Variants in MEI4 observed in about 807,000 individuals in gnomAD.
MEI4 encodes the protein meiosis-specific protein MEI4.
Under a neutral mutation model 31.4 loss-of-function variants are expected in MEI4, and 27 were observed. The ratio of observed to expected loss-of-function variants is 0.86; its 90% CI spans 0.63 to 1.19. The LOEUF (loss-of-function observed/expected upper bound fraction) is 1.19, where lower values mean the gene tolerates loss of function less well. MEI4 is among the 50% of genes most tolerant of loss of function. The probability of loss-of-function intolerance (pLI) is 0.00; values close to 1 mark genes in which losing one functional copy is unlikely to be tolerated. For missense variants in MEI4, 329 were observed against 398.9 expected, an observed-to-expected ratio of 0.82 and a Z score of 1.49; for synonymous variants, 122 against 145.4, an observed-to-expected ratio of 0.84 and a Z score of 1.16.
intron 3 of MEI4, among the ~76,000 whole-genome samples, chr6:77,767,727 A>C (rs1768211718): frequency 6.6e-6 from 1 of 151,858 alleles, no homozygotes; most frequent in Admixed American, 6.6e-5. Context: ...ACACGGAAAA[A>C]TCTGGGTTAA....
At position 77,815,914 on chromosome 6, in the gene MEI4, A is replaced by G. The variant is rs116138721; in HGVS notation, c.769-13017A>G. Among the ~76,000 whole-genome samples the G allele has an allele frequency of 5.2e-3, 789 of 152,124 alleles. 11 individuals carry two copies. The highest frequency in any genetic ancestry group is 0.018 in the African/African-American group (740 of 41,542). ...GAAAAAAAAAAACCAAAACAACAAC[A>G]AAAACTTCTTTGCAGGGTGCTTATA... On this transcript the variant is annotated intron_variant, in intron 3 of 4. Coordinates refer to ENST00000684080, the MANE Select transcript of MEI4 (RefSeq NM_001322247.2).
chr6:77,873,423 T>C (rs1032283116), intron 4 of MEI4, among the ~76,000 whole-genome samples: 1 of 152,232 alleles, frequency 6.6e-6, no homozygotes, highest in Admixed American at 6.5e-5. Flanking sequence ...TGTCTGTTCA[T>C]GTCCTTTGCC....
intron 2 of MEI4, among the ~76,000 whole-genome samples, chr6:77,734,765 G>T (rs573721560): frequency 8.6e-5 from 13 of 152,022 alleles, no homozygotes; most frequent in Non-Finnish European, 1.8e-4. Flanking sequence ...TTTTGCAGTG[G>T]CTGTTACTGG....
chr6:77,871,634 A>T (rs1771195553), intron 4 of MEI4, among the ~76,000 whole-genome samples: 1 of 152,126 alleles, frequency 6.6e-6, no homozygotes, highest in Non-Finnish European at 1.5e-5. Flanking sequence ...TTGTACTCCA[A>T]ACCTCAGCAC....
Position 77,864,974 on chromosome 6 carries a change from A to C in MEI4, c.900+35912A>C, listed in dbSNP as rs536094979. ...ATGGAAACTGAACAACCTGCTCCTG[A>C]ATGACTACTGGGTACATAATGAAAT... On this transcript the variant is annotated intron_variant, in intron 4 of 4. Transcript: ENST00000684080. Among the ~76,000 whole-genome samples the C allele has an allele frequency of 3.3e-5, 5 of 152,346 alleles. No individual in the cohort carries two copies. The South Asian group carries it at 1.0e-3, about 32-fold the overall frequency.
intron 1 of MEI4, among the ~76,000 whole-genome samples, chr6:77,685,806 G>A (rs938834967): frequency 1.3e-5 from 2 of 152,112 alleles, no homozygotes; most frequent in Non-Finnish European, 2.9e-5. Context: ...GACAATTTCT[G>A]TAGGATCAGT....
At chr6:77,796,100 T>C (rs1166684932) in intron 3 of MEI4, among the ~76,000 whole-genome samples, 1 of 152,196 alleles carries the variant, frequency 6.6e-6, no homozygotes, top group Non-Finnish European at 1.5e-5. Context: ...GATTTCATTA[T>C]AACCACATTA....
At chr6:77,700,991 T>A (rs951014739) in intron 2 of MEI4, among the ~76,000 whole-genome samples, 2 of 152,178 alleles carry the variant, frequency 1.3e-5, no homozygotes, top group Non-Finnish European at 2.9e-5. Context: ...AAAAGAAGTG[T>A]ACATACCCAG....
intron 3 of MEI4, among the ~76,000 whole-genome samples, chr6:77,774,601 G>A (rs1285711704): frequency 1.3e-5 from 2 of 151,926 alleles, no homozygotes; most frequent in South Asian, 2.1e-4. Flanking sequence ...AAGTTAAGTA[G>A]GTAGAGTTGG....
At chr6:77,903,480 A>G (rs1428323830) in intron 4 of MEI4, among the ~76,000 whole-genome samples, 1 of 152,164 alleles carries the variant, frequency 6.6e-6, no homozygotes, top group Non-Finnish European at 1.5e-5. Flanking sequence ...GGTTAGATCT[A>G]TTAAACACAT....
At chr6:77,707,393 A>C (rs1009464751) in intron 2 of MEI4, among the ~76,000 whole-genome samples, 11 of 152,200 alleles carry the variant, frequency 7.2e-5, no homozygotes, top group African/African-American at 2.4e-4. Flanking sequence ...CTAACTGCCT[A>C]TTATCAGATG....
At chr6:77,658,293 A>G (rs1768436618) in intron 1 of MEI4, among the ~76,000 whole-genome samples, 1 of 152,136 alleles carries the variant, frequency 6.6e-6, no homozygotes, top group South Asian at 2.1e-4. Flanking sequence ...TACATTGATC[A>G]GTTCATTGAT....
chr6:77,822,620 CCCCT>C (rs1562002428), intron 3 of MEI4, among the ~76,000 whole-genome samples: 3 of 147,538 alleles, frequency 2.0e-5, no homozygotes, highest in Non-Finnish European at 3.0e-5. Context: ...ATACCCCCCC[CCCCT>C]TTTTTTTTTT....
intron 4 of MEI4, among the ~76,000 whole-genome samples, chr6:77,887,007 G>T (rs991649303): frequency 2.4e-4 from 18 of 75,012 alleles, no homozygotes; most frequent in Non-Finnish European, 4.0e-4. Flanking sequence ...TTTTGGATTT[G>T]GTTTGTTCTT....
intron 2 of MEI4, among the ~76,000 whole-genome samples, chr6:77,705,202 G>A (rs1766305869): frequency 6.7e-6 from 1 of 148,242 alleles, no homozygotes; most frequent in Admixed American, 6.7e-5. Flanking sequence ...GCCTTCGTTT[G>A]TTCTTAATAA....
At chr6:77,909,355 A>G (rs1766376761) in intron 4 of MEI4, among the ~76,000 whole-genome samples, 1 of 152,176 alleles carries the variant, frequency 6.6e-6, no homozygotes, top group Non-Finnish European at 1.5e-5. Flanking sequence ...AACAAACGCA[A>G]TAAAAAATGA....
At chr6:77,738,125 A>G (rs1050612354) in intron 2 of MEI4, among the ~76,000 whole-genome samples, 3 of 152,306 alleles carry the variant, frequency 2.0e-5, no homozygotes, top group Admixed American at 2.0e-4. Flanking sequence ...TTTGTGTTGG[A>G]GAGTTAAAGG....
chr6:77,737,791 C>T (rs1327434963), intron 2 of MEI4, among the ~76,000 whole-genome samples: 2 of 152,060 alleles, frequency 1.3e-5, no homozygotes. Context: ...ATATGGAGGT[C>T]AAGGAAGAAG....
chr6:77,792,911 A>G (rs1488770334), intron 3 of MEI4, among the ~76,000 whole-genome samples: 1 of 152,044 alleles, frequency 6.6e-6, no homozygotes, highest in Non-Finnish European at 1.5e-5. Flanking sequence ...ACAGGGTTTC[A>G]CCATGTTAGC....
Sources: gnomAD v4.1 joint callset for allele counts (sites outside exome capture counted in the v4.1 genomes callset) on GRCh38, gnomAD v4.1.1 for gene constraint, MANE v1.5 for transcripts, NCBI Gene and HGNC (gene_info 2026-07-23, HGNC 2026-07-21) for gene names.